HERC2: variants seen among roughly 807,000 people sequenced by gnomAD.
HERC2 encodes the protein E3 ubiquitin-protein ligase HERC2.
Under a neutral mutation model 537.7 loss-of-function variants are expected in HERC2, and 102 were observed. That is an observed-to-expected ratio of 0.19 (90% confidence interval 0.16 to 0.22). The LOEUF is 0.22. Ranked by LOEUF, HERC2 falls within the 10% of genes least tolerant of loss-of-function variation. HERC2 has a pLI of 1.00. For synonymous variants in HERC2, 2,224 were observed against 2,466.2 expected (o/e 0.90, Z 2.91); for missense variants, 4,236 against 6,198.2 (o/e 0.68, Z 10.63).
chr15:28,141,580 C>T lies in HERC2; in HGVS notation c.11867G>A (p.Gly3956Glu). 6.2e-7 allele frequency: 1 copy of T among 1,614,168 alleles called. No individual in the cohort carries two copies. The highest frequency in any genetic ancestry group is 8.5e-7 in the Non-Finnish European group (1 of 1,180,044). ...CTGGCCCCTGTGATTATGTCCCCATCCATAAATTGTTCCACTGCCACCAGC... is the reference window on the plus strand; with the variant it reads ...CTGGCCCCTGTGATTATGTCCCCATTCATAAATTGTTCCACTGCCACCAGC... ...LSAGGSGTIYGWGHNHRGQLG... is the reference protein window; with the variant it reads ...LSAGGSGTIYEWGHNHRGQLG... The change falls in exon 78 of 93, where the codon GGA (glycine) becomes GAA (glutamate). Residue 3956 changes from glycine (G) to glutamate (E), a missense_variant. Gly to Glu is a moderately conservative substitution (Grantham distance 98). Transcript: ENST00000261609.
chr15:28,321,198 A>G (rs2141345310), intron 2 of HERC2, among the ~76,000 whole-genome samples, 164 bp downstream of exon 2: 1 of 152,302 alleles, frequency 6.6e-6, no homozygotes, highest in Non-Finnish European at 1.5e-5. Context: ...CTACAAAAAC[A>G]GCCATAAAGA....
In HERC2 at chr15:28,192,062, G is replaced by A. The variant is rs769732522; in HGVS notation, c.8350C>T (p.Arg2784Cys). The A allele has an allele frequency of 1.2e-5, 20 of 1,613,976 alleles. No homozygotes were observed. The highest frequency in any genetic ancestry group is 1.1e-4 in the East Asian group (5 of 44,888). Residue 2784 changes from arginine (R) to cysteine (C), a missense_variant, in exon 53 of 93, where the codon CGC (arginine) becomes TGC (cysteine). Transcript: ENST00000261609. ...GACACATTCAGGCTCTTCACCATGC[G>A]GGACCAGCTGTCCAGCAGCATGCCT... is the stretch of plus-strand genomic sequence containing the variant. ...QPGMLLDSWSRMVKSLNVSSS... is the reference protein window; with the variant it reads ...QPGMLLDSWSCMVKSLNVSSS...
intron 38 of HERC2, among the ~76,000 whole-genome samples, chr15:28,217,951 A>T (rs1244212947): frequency 1.3e-5 from 2 of 151,982 alleles, no homozygotes; most frequent in Non-Finnish European, 2.9e-5. Context: ...TGGTCTCCAG[A>T]ACTCTGAGAG....
chr15:28,291,388 C>A (rs73364718), intron 4 of HERC2, among the ~76,000 whole-genome samples: 12,203 of 151,860 alleles, frequency 0.08, 1,671 homozygotes, highest in African/African-American at 0.28. Context: ...CCATGGCAGG[C>A]GTCACAAATT....
intron 2 of HERC2, among the ~76,000 whole-genome samples, chr15:28,312,149 C>A (rs1382374216): frequency 6.6e-6 from 1 of 152,298 alleles, no homozygotes; most frequent in Non-Finnish European, 1.5e-5. Context: ...ACTATTTGGG[C>A]ACCTTAAAGG....
At chr15:28,232,215 G>A (rs1331809880) in intron 30 of HERC2, among the ~76,000 whole-genome samples, 1 of 152,186 alleles carries the variant, frequency 6.6e-6, no homozygotes, top group Non-Finnish European at 1.5e-5. Context: ...TGGTCAATAA[G>A]CAGGTTTGTG....
At chr15:28,289,321 T>A (rs2076247601) in intron 4 of HERC2, among the ~76,000 whole-genome samples, 1 of 152,020 alleles carries the variant, frequency 6.6e-6, no homozygotes, top group South Asian at 2.1e-4. Flanking sequence ...CAAGGTGACT[T>A]CACAACAAAG....
At chr15:28,216,473 T>G (rs1899915893) in intron 38 of HERC2, among the ~76,000 whole-genome samples, 2 of 150,280 alleles carry the variant, frequency 1.3e-5, no homozygotes, top group African/African-American at 4.9e-5. Context: ...ACTCCCTGAA[T>G]GGAGGCTGAG....
chr15:28,126,149 A>T lies in HERC2; in HGVS notation c.12803-956T>A, dbSNP rs559981541. On this transcript the variant is annotated intron_variant, in intron 83 of 92. Transcript: ENST00000261609. Reference sequence around the variant, plus strand: ...ATAAAATAAGAATAAAAAAAAATAGATGTTGGTATGGATGTGGTGAAAAGG... The same window carrying T: ...ATAAAATAAGAATAAAAAAAAATAGTTGTTGGTATGGATGTGGTGAAAAGG... 4.6e-5 allele frequency among the ~76,000 whole-genome samples: 7 copies of T among 152,308 alleles called. No homozygotes were observed. In the South Asian group the frequency reaches 1.5e-3, roughly 32 times the overall value.
Position 28,143,923 on chromosome 15 carries a change from T to C in HERC2, c.11368A>G (p.Ile3790Val), listed in dbSNP as rs752472810. 1.5e-5 allele frequency: 24 copies of C among 1,614,058 alleles called. No homozygotes were observed. The highest frequency in any genetic ancestry group is 1.8e-5 in the Non-Finnish European group (21 of 1,180,032). Residue 3790 changes from isoleucine (I) to valine (V), a missense_variant, in exon 74 of 93, where the codon ATT becomes GTT. Ile to Val is a conservative substitution (Grantham distance 29). Transcript: ENST00000261609. ...TCTCCAAGCAGCCTATTTATGTTAA[T>C]TGACTGCCCAAATTCAGTTGTAAGC... ...KLLTTEFGQS[I>V]NINRLLGEND...
chr15:28,214,764 T>C lies in HERC2; in HGVS notation c.6249A>G (p.Ser2083=), dbSNP rs760693697. The C allele has an allele frequency of 1.1e-5, 18 of 1,611,792 alleles. No homozygotes were observed. Among genetic ancestry groups the C allele is most frequent in the African/African-American group, 2.7e-5 (2 of 74,954 alleles). The change falls in exon 40 of 93, where the codon TCA becomes TCG. Residue 2083 remains serine (S), a synonymous_variant. Coordinates refer to ENST00000261609, the MANE Select transcript of HERC2 (RefSeq NM_004667.6). Reference sequence around the variant, plus strand: ...CCCTCGCCCTTTCGGTCTTGTCCCATGATGGAAGGACTGCTTGCAACAAAT... The same window carrying C: ...CCCTCGCCCTTTCGGTCTTGTCCCACGATGGAAGGACTGCTTGCAACAAAT... ...AVHLLQAVLP[S]WDKTERARDM...
At chr15:28,317,545 T>G (rs573731870) in intron 2 of HERC2, among the ~76,000 whole-genome samples, 2 of 152,338 alleles carry the variant, frequency 1.3e-5, no homozygotes, top group South Asian at 4.1e-4. Context: ...GGCATTATGC[T>G]GAGTAAAGAA....
intron 5 of HERC2, among the ~76,000 whole-genome samples, chr15:28,279,668 C>T (rs1052808642): frequency 1.4e-5 from 2 of 147,222 alleles, no homozygotes; most frequent in Non-Finnish European, 3.0e-5. Flanking sequence ...TTTTATTTAG[C>T]CAGGCATGGT....
Position 28,254,513 on chromosome 15 carries a change from A to T in HERC2, c.2877T>A (p.Ile959=), listed in dbSNP as rs1202803358. Residue 959 remains isoleucine (I), a synonymous_variant, in exon 20 of 93, where the codon ATT becomes ATA. Transcript: ENST00000261609. ...HAAITAEIQD[I]EAKKEAQKEK... ...CCTTCTGTGCTTCTTTTTTGGCTTCAATATCCTGTAATTCATAAAAAGAAA... is the reference window on the plus strand; with the variant it reads ...CCTTCTGTGCTTCTTTTTTGGCTTCTATATCCTGTAATTCATAAAAAGAAA... 6.3e-7 allele frequency: 1 copy of T among 1,583,744 alleles called. No individual in the cohort carries two copies. Among genetic ancestry groups the T allele is most frequent in the Admixed American group, 1.9e-5 (1 of 51,734 alleles).
intron 69 of HERC2, among the ~76,000 whole-genome samples, chr15:28,158,539 T>C (rs1893247945): frequency 6.6e-6 from 1 of 152,228 alleles, no homozygotes; most frequent in African/African-American, 2.4e-5. Flanking sequence ...GTCCGTTTTA[T>C]CAGAGACTAG....
chr15:28,160,429 A>C (rs1421600596), intron 69 of HERC2, among the ~76,000 whole-genome samples: 1 of 152,204 alleles, frequency 6.6e-6, no homozygotes, highest in Non-Finnish European at 1.5e-5. Flanking sequence ...AGCCTCAGCA[A>C]CGGTGGACGC....
At chr15:28,189,882 C>G (rs936950406) in intron 55 of HERC2, among the ~76,000 whole-genome samples, 6 of 152,044 alleles carry the variant, frequency 3.9e-5, no homozygotes, top group African/African-American at 1.4e-4. Flanking sequence ...AAAAAATAAA[C>G]TCATCAGTTA....
At chr15:28,306,759 T>C (rs1026250738) in intron 2 of HERC2, among the ~76,000 whole-genome samples, 2 of 152,202 alleles carry the variant, frequency 1.3e-5, no homozygotes, top group Admixed American at 6.5e-5. Flanking sequence ...TTACCTGTTA[T>C]TGGTATGTTC....
Position 28,265,990 on chromosome 15 carries a change from A to G in HERC2, c.1599-16T>C, listed in dbSNP as rs1385748376. The G allele has an allele frequency of 1.2e-6, 2 of 1,612,152 alleles. No homozygotes were observed. Among genetic ancestry groups the G allele is most frequent in the Non-Finnish European group, 1.7e-6 (2 of 1,178,870 alleles). On this transcript the variant is annotated splice_polypyrimidine_tract_variant and intron_variant, in intron 12 of 92. Transcript: ENST00000261609. This position sits in a 1 kb window ranked among gnomAD's most constrained non-coding sequence, Gnocchi z 4.0. ...CTCCAAAGGCCTTGGGGAGAAAGGG[A>G]ACAAACATGAATGCCCTTCTTCTTG...
Sources: gnomAD v4.1 joint callset for allele counts (sites outside exome capture counted in the v4.1 genomes callset) on GRCh38, gnomAD v4.1.1 for gene constraint, Gnocchi (gnomAD v3.1) non-coding constraint, MANE v1.5 for transcripts, NCBI Gene and HGNC (gene_info 2026-07-23, HGNC 2026-07-21) for gene names.